KCTD8: variants seen among roughly 807,000 people sequenced by gnomAD.
KCTD8 encodes BTB/POZ domain-containing protein KCTD8.
KCTD8 carries 27 observed loss-of-function variants against 31.5 expected under a neutral mutation model. That is an observed-to-expected ratio of 0.86 (90% CI 0.63 to 1.18). The LOEUF is 1.18. KCTD8 is among the 50% of genes most tolerant of loss of function. KCTD8 has a pLI of 0.00. For synonymous variants in KCTD8, 290 were observed against 280.0 expected, an observed-to-expected ratio of 1.04 and a Z score of -0.36; for missense variants, 658 against 647.7, an observed-to-expected ratio of 1.02 and a Z score of -0.17.
At chr4:44,421,932 A>G (rs1284111053) in intron 1 of KCTD8, among the ~76,000 whole-genome samples, 2 of 152,128 alleles carry the variant, frequency 1.3e-5, no homozygotes, top group Non-Finnish European at 2.9e-5. Context: ...CCTTATTTAA[A>G]TTATTCTGTG....
chr4:44,188,773 T>C (rs2109333821), intron 1 of KCTD8, among the ~76,000 whole-genome samples: 1 of 152,302 alleles, frequency 6.6e-6, no homozygotes, highest in East Asian at 1.9e-4. Context: ...GTTGGAGTGA[T>C]GCAGCTACAA....
intron 1 of KCTD8, among the ~76,000 whole-genome samples, chr4:44,397,508 C>T (rs1347981192): frequency 6.6e-6 from 1 of 151,954 alleles, no homozygotes; most frequent in Non-Finnish European, 1.5e-5. Context: ...CATACATATA[C>T]ACAAAAGACA....
Position 44,299,766 on chromosome 4 carries a change from C to G in KCTD8, c.962-124516G>C, listed in dbSNP as rs762674601. ...TGGTGCCTTAGGTGATTTTTTTTTT[C>G]CTTTTCTTTTTTTTTTTTTGGAGAC... On this transcript the variant is annotated intron_variant, in intron 1 of 1. Coordinates refer to ENST00000360029, the MANE Select transcript of KCTD8 (RefSeq NM_198353.3). 3.9e-3 allele frequency among the ~76,000 whole-genome samples: 557 copies of G among 143,750 alleles called. 1 individual carries two copies. The highest frequency in any genetic ancestry group is 7.1e-3 in the Non-Finnish European group (461 of 65,278). The allele number at this position is 143,750 out of a possible 152,430, so 94.3% of individuals were successfully genotyped here. A position where few individuals can be genotyped will look rare whatever the true frequency, so the allele number is the denominator to read the frequency against.
intron 1 of KCTD8, among the ~76,000 whole-genome samples, chr4:44,336,790 C>T (rs997389226): frequency 6.6e-6 from 1 of 151,908 alleles, no homozygotes; most frequent in South Asian, 2.1e-4. Context: ...ATGATATCTA[C>T]ATACCTTTAT....
intron 1 of KCTD8, among the ~76,000 whole-genome samples, chr4:44,366,826 T>TAAACCACTCA (rs1719651898): frequency 6.6e-6 from 1 of 152,174 alleles, no homozygotes; most frequent in South Asian, 2.1e-4. Flanking sequence ...TCCCACCGTA[T>TAAACCACTCA]GGCAGGTGGG....
intron 1 of KCTD8, among the ~76,000 whole-genome samples, chr4:44,237,106 A>G (rs776097067): frequency 2.8e-4 from 43 of 152,346 alleles, no homozygotes; most frequent in Non-Finnish European, 5.4e-4. Flanking sequence ...ACAAAATAAA[A>G]TGAAAAAATG....
At chr4:44,219,542 A>G (rs1387733204) in intron 1 of KCTD8, among the ~76,000 whole-genome samples, 1 of 152,204 alleles carries the variant, frequency 6.6e-6, no homozygotes, top group Non-Finnish European at 1.5e-5. Context: ...CTGGAGTTAT[A>G]CACCTGAAAG....
chr4:44,214,448 C>A (rs548666234), intron 1 of KCTD8, among the ~76,000 whole-genome samples: 5 of 152,142 alleles, frequency 3.3e-5, no homozygotes, highest in South Asian at 2.1e-4. Flanking sequence ...AAAGAGGAAA[C>A]CACATATATC....
chr4:44,245,937 T>C (rs1715652418), intron 1 of KCTD8, among the ~76,000 whole-genome samples: 1 of 152,110 alleles, frequency 6.6e-6, no homozygotes, highest in Admixed American at 6.5e-5. Flanking sequence ...TCTGATACTT[T>C]AGTTTTTCAT....
chr4:44,341,514 A>G (rs1718898672), intron 1 of KCTD8, among the ~76,000 whole-genome samples: 1 of 152,226 alleles, frequency 6.6e-6, no homozygotes, highest in Non-Finnish European at 1.5e-5. Context: ...AGTTTATGGA[A>G]TAGTCTAAAT....
chr4:44,413,578 C>T (rs1351852924), intron 1 of KCTD8, among the ~76,000 whole-genome samples: 1 of 152,034 alleles, frequency 6.6e-6, no homozygotes. Flanking sequence ...CAGATTTTTC[C>T]TAAATCAATG....
intron 1 of KCTD8, among the ~76,000 whole-genome samples, chr4:44,329,897 T>C (rs368146815): frequency 6.6e-6 from 1 of 151,926 alleles, no homozygotes. Flanking sequence ...CAACAGTAAA[T>C]GTAACTCTGA....
chr4:44,363,539 T>TTCTATTC (rs1719554704), intron 1 of KCTD8, among the ~76,000 whole-genome samples: 2 of 152,134 alleles, frequency 1.3e-5, no homozygotes, highest in Non-Finnish European at 2.9e-5. Flanking sequence ...AGGGGAGATG[T>TTCTATTC]TAGAAAATAG....
chr4:44,267,965 C>G (rs1716443526), intron 1 of KCTD8, among the ~76,000 whole-genome samples: 2 of 152,252 alleles, frequency 1.3e-5, no homozygotes. Flanking sequence ...ACCAGAGGTA[C>G]AAGGAGGAAC....
At position 44,278,756 on chromosome 4, in the gene KCTD8, G is replaced by T. The variant is rs371681134; in HGVS notation, c.962-103506C>A. ...ACAGCCAGGCCCATACCTCATCTCC[G>T]TTCTCATCCTTTCTGACCTCTCAAC... On this transcript the variant is annotated intron_variant, in intron 1 of 1. Coordinates refer to ENST00000360029, the MANE Select transcript of KCTD8 (RefSeq NM_198353.3). Among the ~76,000 whole-genome samples the T allele has an allele frequency of 1.5e-4, 23 of 152,040 alleles. No homozygotes were observed. The East Asian group carries it at 3.5e-3, about 23-fold the overall frequency.
At chr4:44,252,165 C>G (rs1319541599) in intron 1 of KCTD8, among the ~76,000 whole-genome samples, 1 of 151,760 alleles carries the variant, frequency 6.6e-6, no homozygotes, top group Non-Finnish European at 1.5e-5. Context: ...CCAATTTTAC[C>G]CAGGTTGCTG....
intron 1 of KCTD8, among the ~76,000 whole-genome samples, chr4:44,289,608 C>T (rs1053707356): frequency 6.6e-6 from 1 of 152,102 alleles, no homozygotes; most frequent in South Asian, 2.1e-4. Flanking sequence ...GATGGTGAGG[C>T]AACCCACTCT....
At chr4:44,217,152 G>A (rs550113683) in intron 1 of KCTD8, among the ~76,000 whole-genome samples, 1 of 152,286 alleles carries the variant, frequency 6.6e-6, no homozygotes, top group South Asian at 2.1e-4. Context: ...GCTTTCATTT[G>A]TTGAGAGCCC....
intron 1 of KCTD8, among the ~76,000 whole-genome samples, chr4:44,332,989 T>A (rs1718629473): frequency 6.6e-6 from 1 of 152,038 alleles, no homozygotes; most frequent in Non-Finnish European, 1.5e-5. Context: ...TAAGGTCAAT[T>A]GCAGAGACCA....
Sources: allele counts gnomAD v4.1 joint callset (sites outside exome capture counted in the v4.1 genomes callset), GRCh38; gene constraint gnomAD v4.1.1; transcripts MANE v1.5; gene names NCBI Gene and HGNC (gene_info 2026-07-23, HGNC 2026-07-21).